Variants in ACIN1 observed in about 807,000 individuals in gnomAD.
ACIN1 encodes apoptotic chromatin condensation inducer in the nucleus.
Under a neutral mutation model 146.6 loss-of-function variants are expected in ACIN1, and 16 were observed. The observed-to-expected ratio is 0.11, with a 90% CI of 0.07 to 0.17. The LOEUF (loss-of-function observed/expected upper bound fraction) is 0.17. Among genes scored for constraint, ACIN1 ranks in the 10% least tolerant of loss-of-function variants. The pLI is 1.00. For synonymous variants in ACIN1, 569 were observed against 582.7 expected (o/e 0.98, Z 0.34); for missense variants, 1,357 against 1,609.3 (o/e 0.84, Z 2.68).
chr14:23,061,440 T>C lies in ACIN1; in HGVS notation c.3282A>G (p.Glu1094=). 1 of 1,612,930 alleles carries C rather than the reference T, an allele frequency of 6.2e-7. No homozygotes were observed. Among genetic ancestry groups the C allele is most frequent in the Non-Finnish European group, 8.5e-7 (1 of 1,179,546 alleles). The part of the protein sequence containing the change: ...VREQWAERER[E]MERRERTRSE... ...ATCGAGTCCGCTCCCGCCGCTCCAT[T>C]TCCCGTTCCCGTTCTGCCCACTGTT... Residue 1094 remains glutamate (E), a synonymous_variant, in exon 17 of 19, where the codon GAA becomes GAG. Transcript: ENST00000605057.
In ACIN1 at chr14:23,071,615, G is replaced by A; in HGVS notation, c.2124-1998C>T. ...GGGGGAGGGCCTTGCTGCAGCAGGG[G>A]AGGGGAAAGAAAAGAGGGAGGGAGC... On this transcript the variant is annotated intron_variant, in intron 8 of 18. Transcript: ENST00000605057. 4 of 1,488,006 alleles carry A rather than the reference G, an allele frequency of 2.7e-6. No homozygotes were observed. In the South Asian group the frequency reaches 3.8e-5, roughly 14 times the overall value. 92.2% of individuals were successfully genotyped at this position (1,488,006 alleles called of 1,614,324 possible). A position where few individuals can be genotyped will look rare whatever the true frequency, so the allele number is the denominator to read the frequency against.
In ACIN1 at chr14:23,064,381, T is replaced by C. The variant is rs779630005; in HGVS notation, c.2416A>G (p.Ile806Val). The C allele has an allele frequency of 1.2e-6, 2 of 1,614,268 alleles. No homozygotes were observed. The highest frequency in any genetic ancestry group is 1.3e-5 in the African/African-American group (1 of 75,066). ...TTTAGTGATTCAGTGGTGATACTGATGGAAGGTTTCTTCTGTGTGGTGGCT... is the reference window on the plus strand; with the variant it reads ...TTTAGTGATTCAGTGGTGATACTGACGGAAGGTTTCTTCTGTGTGGTGGCT... ...STATTQKKPS[I>V]SITTESLKSL... Residue 806 changes from isoleucine (I) to valine (V), a missense_variant, in exon 11 of 19, where the codon ATC becomes GTC. Transcript: ENST00000605057.
intron 4 of ACIN1, among the ~76,000 whole-genome samples, chr14:23,086,101 CCTT>C (rs1448809986): frequency 6.6e-6 from 1 of 152,136 alleles, no homozygotes; most frequent in African/African-American, 2.4e-5. Context: ...TAAAAGGTAA[CCTT>C]AGGTGTGAAT....
intron 8 of ACIN1, chr14:23,076,479 G>C (rs2047804851): frequency 6.6e-6 from 1 of 152,122 alleles, no homozygotes; most frequent in Non-Finnish European, 1.5e-5. Context: ...CCTGGAGTGG[G>C]GGGACAGGAA....
chr14:23,080,786 C>T lies in ACIN1; in HGVS notation c.549G>A (p.Glu183=). 6 of 1,607,952 alleles carry T rather than the reference C, an allele frequency of 3.7e-6. No homozygotes were observed. The highest frequency in any genetic ancestry group is 5.1e-6 in the Non-Finnish European group (6 of 1,176,038). ...CTTCCTCCTCAGCAGGTTGGCTGCC[C>T]TCAGACAGTTTAGCTGCTCTTGCCT... ...VRQARAAKLS[E]GSQPAEEEED... The change falls in exon 6 of 19, where the codon GAG becomes GAA. Residue 183 remains glutamate (E), a synonymous_variant. Coordinates refer to ENST00000605057, the MANE Select transcript of ACIN1 (RefSeq NM_001386863.1).
Position 23,069,333 on chromosome 14 carries a change from C to T in ACIN1, c.2265+143G>A, listed in dbSNP as rs2047556475. ...TCCCTTGCTAAACCAGCGAATTCTC[C>T]CTTGGCCCTATTCTGATCCAAGTCC... On this transcript the variant is annotated intron_variant, in intron 9 of 18. Coordinates refer to ENST00000605057, the MANE Select transcript of ACIN1 (RefSeq NM_001386863.1). 6 of 1,391,550 alleles carry T rather than the reference C, an allele frequency of 4.3e-6. No homozygotes were observed. The South Asian group carries it at 1.1e-4, about 24-fold the overall frequency. 86.2% of individuals were successfully genotyped at this position (1,391,550 alleles called of 1,614,324 possible). A position where few individuals can be genotyped will look rare whatever the true frequency, so the allele number is the denominator to read the frequency against.
In ACIN1 at chr14:23,079,714, A is replaced by C; in HGVS notation, c.1621T>G (p.Ser541Ala). Residue 541 changes from serine to alanine, a missense_variant, in exon 6 of 19, where the codon TCA becomes GCA. Physicochemically the swap from Ser to Ala is moderately conservative, Grantham distance 99. This residue lies in a region of ACIN1 where 771 missense variants were observed against 746.6 expected (regional missense o/e 1.03). Coordinates refer to ENST00000605057, the MANE Select transcript of ACIN1 (RefSeq NM_001386863.1). Reference protein sequence around the residue: ...SRSRSRSPDSSGSRSHSPLRS... With the variant: ...SRSRSRSPDSAGSRSHSPLRS... ...AGCGGTGAATGAGACCGAGAACCTG[A>C]ACTGTCAGGAGAGCGAGATCTTGAT... 6.2e-7 allele frequency: 1 copy of C among 1,614,080 alleles called. No individual in the cohort carries two copies. The highest frequency in any genetic ancestry group is 1.3e-5 in the African/African-American group (1 of 74,980).
At chr14:23,060,820 G>T (rs989387890) in intron 18 of ACIN1, among the ~76,000 whole-genome samples, 17 of 152,192 alleles carry the variant, frequency 1.1e-4, no homozygotes, top group Admixed American at 2.6e-4. Flanking sequence ...CTAAAATCAA[G>T]TTCTAAGAAG....
chr14:23,080,276 C>G lies in ACIN1; in HGVS notation c.1059G>C (p.Glu353Asp), dbSNP rs780183470. The change falls in exon 6 of 19, where the codon GAG becomes GAC. Residue 353 changes from glutamate to aspartate, a missense_variant. By Grantham distance (45) the Glu-to-Asp change is conservative. Transcript: ENST00000605057. Reference sequence around the variant, plus strand: ...TTAGTAAAGGTGGAGGAGTCTCCTCCTCGCTGGCAGTTTGCTCTGGCAGCG... The same window carrying G: ...TTAGTAAAGGTGGAGGAGTCTCCTCGTCGCTGGCAGTTTGCTCTGGCAGCG... ...LVALPEQTAS[E>D]EETPPPLLTK... The G allele has an allele frequency of 6.2e-7, 1 of 1,614,214 alleles. No homozygotes were observed. The highest frequency in any genetic ancestry group is 2.2e-5 in the East Asian group (1 of 44,882).
At position 23,064,109 on chromosome 14, in the gene ACIN1, G is replaced by A. The variant is rs762617835; in HGVS notation, c.2591C>T (p.Thr864Ile). ...ACTGGGGTGCAGAAGCCTTACCTGA[G>A]TGACTGTCCGGCATATTTTCAGCCC... is the stretch of plus-strand genomic sequence containing the variant. Reference protein sequence around the residue: ...DKGLKICRTVTQVVPAEGQEN... With the variant: ...DKGLKICRTVIQVVPAEGQEN... The change falls in exon 12 of 19, where the codon ACT (threonine) becomes ATT (isoleucine). Residue 864 changes from threonine to isoleucine, a missense_variant. By Grantham distance (89) the Thr-to-Ile change is moderately conservative. Around this residue, in one of 4 missense-constraint regions of ACIN1, gnomAD observed 509 missense variants for 719.6 expected, o/e 0.71. Transcript: ENST00000605057. The A allele has an allele frequency of 1.5e-5, 25 of 1,613,988 alleles. No individual in the cohort carries two copies. Among genetic ancestry groups the A allele is most frequent in the Non-Finnish European group, 2.1e-5 (25 of 1,180,046 alleles).
Position 23,078,996 on chromosome 14 carries a change from T to C in ACIN1, c.1831A>G (p.Thr611Ala). 1 of 1,614,204 alleles carries C rather than the reference T, an allele frequency of 6.2e-7. No individual in the cohort carries two copies. Among genetic ancestry groups the C allele is most frequent in the Non-Finnish European group, 8.5e-7 (1 of 1,180,022 alleles). Residue 611 changes from threonine to alanine, a missense_variant, in exon 7 of 19, where the codon ACT becomes GCT. This residue lies in a region of ACIN1 where 771 missense variants were observed against 746.6 expected (regional missense o/e 1.03). Transcript: ENST00000605057. ...CCAGAAGAGGGATCTTTGGTTTCAG[T>C]ATAGCTGGTGCTGCTGTCCCTGGAG... ...GVSRDSSTSY[T>A]ETKDPSSGQE...
chr14:23,071,301 C>T lies in ACIN1; in HGVS notation c.2124-1684G>A, dbSNP rs2047641253. ...ACCACCTCCTCCCCAGCCACCCGAT[C>T]CAGAGAGAGAAAATTGAGATGTAGC... On this transcript the variant is annotated intron_variant, in intron 8 of 18. Transcript: ENST00000605057. 2.0e-6 allele frequency: 3 copies of T among 1,504,818 alleles called. No individual in the cohort carries two copies. In the Admixed American group the frequency reaches 7.1e-5, roughly 36 times the overall value. 93.2% of individuals were successfully genotyped at this position (1,504,818 alleles called of 1,614,324 possible).
intron 8 of ACIN1, among the ~76,000 whole-genome samples, chr14:23,075,278 G>C (rs1478537347): frequency 6.6e-6 from 1 of 150,738 alleles, no homozygotes; most frequent in Non-Finnish European, 1.5e-5. Flanking sequence ...ACAGCTGAAT[G>C]ATACAGCTGC....
chr14:23,083,517 C>T (rs758010232), intron 4 of ACIN1, among the ~76,000 whole-genome samples: 83 of 152,056 alleles, frequency 5.5e-4, no homozygotes, highest in Middle Eastern at 3.4e-3. Context: ...CGGATCACGA[C>T]GTCAGGAGAT....
Position 23,081,834 on chromosome 14 carries a change from T to C in ACIN1, c.439A>G (p.Lys147Glu). Residue 147 changes from lysine (K) to glutamate (E), a missense_variant and splice_region_variant, in exon 5 of 19, where the codon AAA becomes GAA. Transcript: ENST00000605057. ...ELELSRHSPR[K>E]SSSISEEKGD... ...TTCTCTTCAGAAATTGAGGAGCTTT[T>C]TCCTATTGAATGAAAAAGAATCAAG... The C allele has an allele frequency of 6.2e-7, 1 of 1,607,134 alleles. No individual in the cohort carries two copies. The highest frequency in any genetic ancestry group is 8.5e-7 in the Non-Finnish European group (1 of 1,178,382).
chr14:23,058,806 G>A lies in ACIN1; in HGVS notation c.*342C>T, dbSNP rs2047175261. The A allele has an allele frequency of 3.0e-6, 1 of 329,832 alleles. No homozygotes were observed. Among genetic ancestry groups the A allele is most frequent in the East Asian group, 5.8e-5 (1 of 17,120 alleles). 20.4% of individuals were successfully genotyped at this position (329,832 alleles called of 1,614,324 possible). ...CCCCGGCTGTTCCCAAGAGAAGGCT[G>A]TAAGTACCCAGGGAGGTGGTAAGCA... On this transcript the variant is annotated 3_prime_UTR_variant, in exon 19 of 19. Transcript: ENST00000605057.
At position 23,061,074 on chromosome 14, in the gene ACIN1, G is replaced by A. The variant is rs1447939079; in HGVS notation, c.3525+10C>T. The A allele has an allele frequency of 1.9e-6, 3 of 1,613,164 alleles. No homozygotes were observed. Among genetic ancestry groups the A allele is most frequent in the African/African-American group, 1.3e-5 (1 of 74,906 alleles). On this transcript the variant is annotated intron_variant, in intron 18 of 18. Coordinates refer to ENST00000605057, the MANE Select transcript of ACIN1 (RefSeq NM_001386863.1). Reference sequence around the variant, plus strand: ...CCACTAGGGAGCAGGGCACGAAGAAGAGCACTCACCTGGCTGTCAGTCAGT... The same window carrying A: ...CCACTAGGGAGCAGGGCACGAAGAAAAGCACTCACCTGGCTGTCAGTCAGT...
chr14:23,071,951 T>C (rs2047670500), intron 8 of ACIN1, among the ~76,000 whole-genome samples: 1 of 152,162 alleles, frequency 6.6e-6, no homozygotes, highest in African/African-American at 2.4e-5. Context: ...AGAAGGATGG[T>C]AATGAAAGCT....
chr14:23,062,429 T>C lies in ACIN1; in HGVS notation c.2978A>G (p.His993Arg). The change falls in exon 15 of 19, where the codon CAT becomes CGT. Residue 993 changes from histidine to arginine, a missense_variant. Around this residue, in one of 4 missense-constraint regions of ACIN1, gnomAD observed 509 missense variants for 719.6 expected, o/e 0.71. Transcript: ENST00000605057. ...TCTTCCCCTCACCGTTACAAAGCAA[T>C]GAGATTTGATCTTGTCAATCCAGAA... The part of the protein sequence containing the change: ...EAFWIDKIKS[H>R]CFVTYSTVEE... 2 of 1,613,158 alleles carry C rather than the reference T, an allele frequency of 1.2e-6. No individual in the cohort carries two copies. Among genetic ancestry groups the C allele is most frequent in the Non-Finnish European group, 1.7e-6 (2 of 1,179,170 alleles).
Sources: allele counts gnomAD v4.1 joint callset (sites outside exome capture counted in the v4.1 genomes callset), GRCh38; gene constraint gnomAD v4.1.1; regional missense constraint gnomAD v4.1.1; transcripts MANE v1.5; gene names NCBI Gene and HGNC (gene_info 2026-07-23, HGNC 2026-07-21).